PRKAA2: variants seen among roughly 807,000 people sequenced by gnomAD.
The protein encoded by PRKAA2 is protein kinase AMP-activated catalytic subunit alpha 2, also known as 5'-AMP-activated protein kinase catalytic subunit alpha-2.
Under a neutral mutation model 56.3 loss-of-function variants are expected in PRKAA2, and 40 were observed. The ratio of observed to expected loss-of-function variants is 0.71; its 90% CI spans 0.55 to 0.92. The LOEUF is 0.92. Among genes scored for constraint, PRKAA2 ranks in the 40% least tolerant of loss-of-function variants. The probability of loss-of-function intolerance (pLI) is 0.00; values close to 1 mark genes in which losing one functional copy is unlikely to be tolerated. For synonymous variants in PRKAA2, 214 were observed against 234.2 expected, an observed-to-expected ratio of 0.91 and a Z score of 0.79; for missense variants, 542 against 686.9, an observed-to-expected ratio of 0.79 and a Z score of 2.36.
chr1:56,693,818 C>T lies in PRKAA2; in HGVS notation c.529C>T (p.Pro177Ser). The T allele has an allele frequency of 6.3e-7, 1 of 1,598,306 alleles. No individual in the cohort carries two copies. Residue 177 changes from proline (P) to serine (S), a missense_variant, in exon 5 of 9, where the codon CCA becomes TCA. This residue lies in a region of PRKAA2 where 121 missense variants were observed against 210.0 expected (regional missense o/e 0.58). Transcript: ENST00000371244. ...GEFLRTSCGS[P>S]NYAAPEVISG... ...ATTTCTGAGAACTAGTTGCGGATCT[C>T]CAAATTATGCAGCACCTGAAGTCAT...
At position 56,715,238 on chromosome 1, in the gene PRKAA2, A is replaced by G. The variant is rs1644397951; in HGVS notation, c.*7525A>G. Reference sequence around the variant, plus strand: ...TTAATGTTTGCACCATATGAAACTCATAGGTAACAAACACAAAGGAGAAAA... The same window carrying G: ...TTAATGTTTGCACCATATGAAACTCGTAGGTAACAAACACAAAGGAGAAAA... On this transcript the variant is annotated 3_prime_UTR_variant, in exon 9 of 9. Transcript: ENST00000371244. The G allele has an allele frequency of 6.6e-6, 1 of 152,226 alleles. No individual in the cohort carries two copies. The highest frequency in any genetic ancestry group is 2.4e-5 in the African/African-American group (1 of 41,472). 9.4% of individuals were successfully genotyped at this position (152,226 alleles called of 1,614,324 possible).
In PRKAA2 at chr1:56,685,068, G is replaced by A. The variant is rs540269138; in HGVS notation, c.237-6326G>A. 4.9e-4 allele frequency among the ~76,000 whole-genome samples: 75 copies of A among 152,274 alleles called. 1 individual carries two copies. The South Asian group carries it at 6.2e-3, about 13-fold the overall frequency. ...ACCATGGAGTGGTTGGCTGTGTGTGGTGGAAGAAAAGATAATTAGAAATGA... is the reference window on the plus strand; with the variant it reads ...ACCATGGAGTGGTTGGCTGTGTGTGATGGAAGAAAAGATAATTAGAAATGA... On this transcript the variant is annotated intron_variant, in intron 2 of 8. Transcript: ENST00000371244.
At chr1:56,688,926 G>GT (rs1477562064) in intron 2 of PRKAA2, among the ~76,000 whole-genome samples, 1 of 152,180 alleles carries the variant, frequency 6.6e-6, no homozygotes, top group Non-Finnish European at 1.5e-5. Context: ...TAATAGCTTA[G>GT]TGCCTGGCAG....
intron 1 of PRKAA2, among the ~76,000 whole-genome samples, chr1:56,654,819 C>T (rs1336495692): frequency 6.6e-6 from 1 of 152,034 alleles, no homozygotes; most frequent in Non-Finnish European, 1.5e-5. Flanking sequence ...GTGTTTGCCT[C>T]TGATAAATTT....
intron 1 of PRKAA2, among the ~76,000 whole-genome samples, chr1:56,654,133 A>G (rs964820574): frequency 6.6e-6 from 1 of 152,140 alleles, no homozygotes; most frequent in Non-Finnish European, 1.5e-5. Context: ...TTATCTTAAC[A>G]TATCCATATA....
At chr1:56,660,376 C>G (rs9887940) in intron 1 of PRKAA2, among the ~76,000 whole-genome samples, 63,264 of 151,744 alleles carry the variant, frequency 0.42, 13,656 homozygotes, top group Middle Eastern at 0.52. Flanking sequence ...ACTTTCAGTT[C>G]ATGTGTTATT....
intron 1 of PRKAA2, among the ~76,000 whole-genome samples, chr1:56,661,802 T>A (rs769696714): frequency 1.3e-5 from 2 of 152,078 alleles, no homozygotes; most frequent in Admixed American, 6.5e-5. Flanking sequence ...TAGAATACCA[T>A]ATTTATTGTT....
At position 56,707,647 on chromosome 1, in the gene PRKAA2, C is replaced by G. The variant is rs376505253; in HGVS notation, c.1593C>G (p.Arg531=). The G allele has an allele frequency of 1.9e-6, 3 of 1,614,064 alleles. No individual in the cohort carries two copies. Among genetic ancestry groups the G allele is most frequent in the Non-Finnish European group, 2.5e-6 (3 of 1,179,948 alleles). ...TGSTLSSVSP[R]LGSHTMDFFE... ...GCACATTGTCTTCAGTTTCACCTCG[C>G]CTGGGCAGTCACACCATGGATTTTT... The change falls in exon 9 of 9, where the codon CGC becomes CGG. Residue 531 remains arginine, a synonymous_variant. Transcript: ENST00000371244.
intron 1 of PRKAA2, among the ~76,000 whole-genome samples, chr1:56,665,150 T>C (rs1311203236): frequency 6.6e-6 from 1 of 151,528 alleles, no homozygotes; most frequent in East Asian, 1.9e-4. Context: ...CTTGGCTCAC[T>C]GCAACCTCCG....
chr1:56,669,383 C>T (rs761584131), intron 1 of PRKAA2, among the ~76,000 whole-genome samples: 5 of 151,706 alleles, frequency 3.3e-5, no homozygotes, highest in African/African-American at 4.8e-5. Context: ...CACTTGAACC[C>T]GGGAGGCAGA....
At chr1:56,673,690 T>C (rs1644093400) in intron 1 of PRKAA2, among the ~76,000 whole-genome samples, 1 of 152,230 alleles carries the variant, frequency 6.6e-6, no homozygotes, top group East Asian at 1.9e-4. Flanking sequence ...TACAAAGCAC[T>C]GTGCGCATAT....
chr1:56,698,079 CT>C (rs530647275), intron 6 of PRKAA2, among the ~76,000 whole-genome samples: 49,306 of 120,928 alleles, frequency 0.41, 9,223 homozygotes, highest in Middle Eastern at 0.5. Context: ...TTTTTTAATT[CT>C]TTTTTTTTTT....
rs2100427977 is a variant in PRKAA2 at position 56,695,922 on chromosome 1, T to C, written c.564-13T>C. ...CTTGCATTTCAGGTTTGTGTTGTCA[T>C]CTTTTTTCTTAGATTGTATGCAGGT... is the stretch of plus-strand genomic sequence containing the variant. On this transcript the variant is annotated splice_polypyrimidine_tract_variant and intron_variant, in intron 5 of 8. Transcript: ENST00000371244. 1 of 1,607,270 alleles carries C rather than the reference T, an allele frequency of 6.2e-7. No individual in the cohort carries two copies. Among genetic ancestry groups the C allele is most frequent in the Non-Finnish European group, 8.5e-7 (1 of 1,175,360 alleles).
At position 56,709,618 on chromosome 1, in the gene PRKAA2, C is replaced by T. The variant is rs1557567371; in HGVS notation, c.*1905C>T. The T allele has an allele frequency of 2.0e-5, 3 of 151,986 alleles. No individual in the cohort carries two copies. Among genetic ancestry groups the T allele is most frequent in the Non-Finnish European group, 4.4e-5 (3 of 67,972 alleles). The allele number at this position is 151,986 out of a possible 1,614,324, so 9.4% of individuals were successfully genotyped here. A position where few individuals can be genotyped will look rare whatever the true frequency, so the allele number is the denominator to read the frequency against. The stretch of plus-strand genomic sequence containing the variant: ...ATACCTCTTTTGGGAAAAAACAGGG[C>T]CACCTCATAATATTTGCCTGATTAT... On this transcript the variant is annotated 3_prime_UTR_variant, in exon 9 of 9. Transcript: ENST00000371244.
intron 7 of PRKAA2, among the ~76,000 whole-genome samples, chr1:56,705,889 A>C (rs1644328718): frequency 6.6e-6 from 1 of 152,166 alleles, no homozygotes; most frequent in African/African-American, 2.4e-5. Flanking sequence ...AATTTATTCA[A>C]GTAGCTTTTC....
At chr1:56,682,583 G>C (rs1350024406) in intron 2 of PRKAA2, among the ~76,000 whole-genome samples, 1 of 152,194 alleles carries the variant, frequency 6.6e-6, no homozygotes, top group Non-Finnish European at 1.5e-5. Flanking sequence ...ATAACAAAGG[G>C]ATTTGAAGGC....
intron 2 of PRKAA2, among the ~76,000 whole-genome samples, chr1:56,678,496 A>T (rs1046197678): frequency 6.6e-6 from 1 of 152,218 alleles, no homozygotes; most frequent in African/African-American, 2.4e-5. Context: ...AAAAATTACA[A>T]ATGAATGACC....
At chr1:56,655,486 C>A (rs1358506987) in intron 1 of PRKAA2, among the ~76,000 whole-genome samples, 1 of 150,310 alleles carries the variant, frequency 6.7e-6, no homozygotes, top group Non-Finnish European at 1.5e-5. Context: ...CCAGTTTTTC[C>A]AGTCTTAATT....
chr1:56,709,710 A>C lies in PRKAA2; in HGVS notation c.*1997A>C, dbSNP rs956016813. The C allele has an allele frequency of 6.6e-6, 1 of 152,170 alleles. No individual in the cohort carries two copies. Among genetic ancestry groups the C allele is most frequent in the African/African-American group, 2.4e-5 (1 of 41,460 alleles). The allele number at this position is 152,170 out of a possible 1,614,324, so 9.4% of individuals were successfully genotyped here. On this transcript the variant is annotated 3_prime_UTR_variant, in exon 9 of 9. Transcript: ENST00000371244. ...TAACCCCAATGACAAAATCCACAAA[A>C]ATTTTGAAGGCAGAGAAACAGAAGG...
Sources: allele counts gnomAD v4.1 joint callset (sites outside exome capture counted in the v4.1 genomes callset), GRCh38; gene constraint gnomAD v4.1.1; regional missense constraint gnomAD v4.1.1; transcripts MANE v1.5; gene names NCBI Gene and HGNC (gene_info 2026-07-23, HGNC 2026-07-21).